ELAPOR2: variants seen among roughly 807,000 people sequenced by gnomAD.
The protein encoded by ELAPOR2 is endosome-lysosome associated apoptosis and autophagy regulator family member 2, also known as endosome/lysosome-associated apoptosis and autophagy regulator family member 2.
Under a neutral mutation model 120.7 loss-of-function variants are expected in ELAPOR2, and 89 were observed. The observed-to-expected ratio is 0.74, with a 90% confidence interval of 0.62 to 0.88. The LOEUF is 0.88. Ranked by LOEUF, ELAPOR2 falls within the 40% of genes least tolerant of loss-of-function variation. ELAPOR2 has a pLI of 0.00. For missense variants in ELAPOR2, 1,134 were observed against 1,251.6 expected, an observed-to-expected ratio of 0.91 and a Z score of 1.42; for synonymous variants, 444 against 444.9, an observed-to-expected ratio of 1.00 and a Z score of 0.03.
chr7:87,017,016 T>C (rs1433803157), intron 1 of ELAPOR2, among the ~76,000 whole-genome samples: 3 of 152,054 alleles, frequency 2.0e-5, no homozygotes, highest in African/African-American at 7.2e-5. Context: ...TTTTCCACAG[T>C]TGGAAAAATA....
intron 2 of ELAPOR2, among the ~76,000 whole-genome samples, chr7:86,949,514 G>C (rs1791147933): frequency 1.3e-5 from 2 of 152,136 alleles, no homozygotes; most frequent in Non-Finnish European, 2.9e-5. Flanking sequence ...GCTCTTGGGG[G>C]CCAGGAGCAG....
At chr7:86,928,216 A>G (rs978176625) in intron 8 of ELAPOR2, among the ~76,000 whole-genome samples, 20 of 151,988 alleles carry the variant, frequency 1.3e-4, no homozygotes, top group African/African-American at 4.8e-4. Flanking sequence ...TACCATCTGT[A>G]AAATAATGGC....
At chr7:87,000,414 A>G (rs963498360) in intron 1 of ELAPOR2, among the ~76,000 whole-genome samples, 1 of 152,148 alleles carries the variant, frequency 6.6e-6, no homozygotes, top group African/African-American at 2.4e-5. Flanking sequence ...TCATGTAAAT[A>G]CAATTCCTGC....
intron 1 of ELAPOR2, among the ~76,000 whole-genome samples, chr7:86,991,381 A>G (rs1792939832): frequency 6.6e-6 from 1 of 152,140 alleles, no homozygotes; most frequent in African/African-American, 2.4e-5. Context: ...CTTGCTCCCA[A>G]GGCTGAGGTC....
At chr7:87,000,467 C>A (rs1264562603) in intron 1 of ELAPOR2, among the ~76,000 whole-genome samples, 1 of 152,162 alleles carries the variant, frequency 6.6e-6, no homozygotes, top group Non-Finnish European at 1.5e-5. Flanking sequence ...CTGGATTTAT[C>A]CTCTGGCCCA....
intron 18 of ELAPOR2, among the ~76,000 whole-genome samples, chr7:86,899,622 T>C (rs1788620855): frequency 6.6e-6 from 1 of 152,066 alleles, no homozygotes; most frequent in Admixed American, 6.6e-5. Flanking sequence ...CACCCTAAGA[T>C]ATGAACACTA....
chr7:87,053,120 G>C (rs1795163577), intron 1 of ELAPOR2, among the ~76,000 whole-genome samples: 1 of 151,964 alleles, frequency 6.6e-6, no homozygotes. Context: ...TTTATTTCAG[G>C]GTCTTAAATC....
intron 3 of ELAPOR2, among the ~76,000 whole-genome samples, chr7:86,946,766 T>C (rs570905260): frequency 2.6e-5 from 4 of 152,328 alleles, no homozygotes; most frequent in African/African-American, 9.6e-5. Context: ...ATTTCTTTTA[T>C]GCATAAACTA....
intron 18 of ELAPOR2, among the ~76,000 whole-genome samples, chr7:86,906,596 G>A (rs1378806469): frequency 6.6e-6 from 1 of 151,954 alleles, no homozygotes; most frequent in African/African-American, 2.4e-5. Context: ...TCTCCCAAGG[G>A]TTACTGTGAA....
chr7:86,903,835 G>T (rs753476776), intron 18 of ELAPOR2, among the ~76,000 whole-genome samples: 5 of 152,150 alleles, frequency 3.3e-5, no homozygotes, highest in Non-Finnish European at 7.4e-5. Flanking sequence ...AGAAAAAAAT[G>T]ATTTTCCTCT....
At chr7:86,975,918 G>T (rs896489571) in intron 1 of ELAPOR2, among the ~76,000 whole-genome samples, 1 of 152,134 alleles carries the variant, frequency 6.6e-6, no homozygotes, top group Admixed American at 6.5e-5. Context: ...TGCACAGTGG[G>T]TTCAGAATGC....
intron 1 of ELAPOR2, among the ~76,000 whole-genome samples, chr7:86,982,961 A>G: frequency 6.6e-6 from 1 of 152,244 alleles, no homozygotes; most frequent in Non-Finnish European, 1.5e-5. Context: ...TGAATGGCGA[A>G]CTAGAAAAAA....
At chr7:86,919,350 A>G in intron 10 of ELAPOR2, 40 bp from the exon 11 acceptor site, 2 of 1,208,664 alleles carry the variant, frequency 1.7e-6, no homozygotes, top group African/African-American at 1.5e-5. Flanking sequence ...TAAAAATTCC[A>G]TTAATGATCT....
intron 5 of ELAPOR2, chr7:86,941,492 T>C (rs570700517): frequency 6.8e-6 from 3 of 443,950 alleles, no homozygotes; most frequent in Admixed American, 4.9e-5. Context: ...CAAAGAGATA[T>C]TTTGTGATAA....
At chr7:86,997,927 T>C (rs1279814862) in intron 1 of ELAPOR2, among the ~76,000 whole-genome samples, 2 of 152,130 alleles carry the variant, frequency 1.3e-5, no homozygotes, top group Non-Finnish European at 2.9e-5. Context: ...GGAAACACCA[T>C]GTATGCGATG....
chr7:86,896,865 C>T (rs1346481193), intron 19 of ELAPOR2, among the ~76,000 whole-genome samples: 1 of 152,002 alleles, frequency 6.6e-6, no homozygotes, highest in Non-Finnish European at 1.5e-5. Context: ...TAATCTCTTT[C>T]TAATAATAAA....
At chr7:86,994,596 C>T (rs892495947) in intron 1 of ELAPOR2, among the ~76,000 whole-genome samples, 1 of 152,096 alleles carries the variant, frequency 6.6e-6, no homozygotes, top group African/African-American at 2.4e-5. Context: ...AACAAGAAAG[C>T]CATTTCTGAA....
At chr7:86,921,857 A>G (rs1320338104) in intron 10 of ELAPOR2, among the ~76,000 whole-genome samples, 2 of 152,054 alleles carry the variant, frequency 1.3e-5, no homozygotes, top group African/African-American at 2.4e-5. Flanking sequence ...CCAAATCAAT[A>G]TAAGTGCCTT....
At position 86,880,297 on chromosome 7, in the gene ELAPOR2, T is replaced by A; in HGVS notation, c.*174A>T. 1.6e-6 allele frequency: 1 copy of A among 643,424 alleles called. No homozygotes were observed. Among genetic ancestry groups the A allele is most frequent in the South Asian group, 1.8e-5 (1 of 54,976 alleles). 39.9% of individuals were successfully genotyped at this position (643,424 alleles called of 1,614,324 possible). ...TGCTTTCCTTTATTTGGCAAGGTAC[T>A]TGACCATGTGATAAGGCAATCAAAT... On this transcript the variant is annotated 3_prime_UTR_variant, in exon 22 of 22. Coordinates refer to ENST00000450689, the MANE Select transcript of ELAPOR2 (RefSeq NM_001142749.3).
Sources: allele counts gnomAD v4.1 joint callset (sites outside exome capture counted in the v4.1 genomes callset), GRCh38; gene constraint gnomAD v4.1.1; transcripts MANE v1.5; gene names NCBI Gene and HGNC (gene_info 2026-07-23, HGNC 2026-07-21).